The following NALCN variants were observed in gnomAD, a reference collection of about 807,000 sequenced individuals.
The protein encoded by NALCN is sodium leak channel, non-selective.
A neutral mutation model predicts 225.3 loss-of-function variants in NALCN; 111 were observed. The ratio of observed to expected loss-of-function variants is 0.49; its 90% CI spans 0.42 to 0.58. The LOEUF is 0.58. Among genes scored for constraint, NALCN ranks in the 20% least tolerant of loss-of-function variants. The pLI, the probability that NALCN is intolerant of heterozygous loss-of-function variation, is 0.00. For synonymous variants in NALCN, 764 were observed against 769.0 expected (o/e 0.99, Z 0.11); for missense variants, 1,378 against 2,202.4 (o/e 0.63, Z 7.49).
At chr13:101,302,971 T>C (rs1238665049) in intron 7 of NALCN, among the ~76,000 whole-genome samples, 2 of 152,192 alleles carry the variant, frequency 1.3e-5, no homozygotes, top group Non-Finnish European at 2.9e-5. Flanking sequence ...TATTAAGTTA[T>C]GCTGCCAAGA....
chr13:101,255,678 G>A (rs143758644), intron 11 of NALCN, among the ~76,000 whole-genome samples: 2,466 of 152,162 alleles, frequency 0.016, 34 homozygotes, highest in African/African-American at 0.033. Context: ...CCTCCTCAGA[G>A]CCTTGAACTA....
chr13:101,337,882 G>A (rs1314634256), intron 7 of NALCN, among the ~76,000 whole-genome samples: 3 of 152,136 alleles, frequency 2.0e-5, no homozygotes, highest in African/African-American at 7.2e-5. Flanking sequence ...TTCCAAATGC[G>A]GCTGGTAAGA....
chr13:101,324,740 C>T (rs367988564), intron 7 of NALCN, among the ~76,000 whole-genome samples: 9 of 152,270 alleles, frequency 5.9e-5, no homozygotes, highest in East Asian at 1.9e-4. Flanking sequence ...ATTTGACTTC[C>T]TCTCTTCCTA....
intron 39 of NALCN, among the ~76,000 whole-genome samples, chr13:101,067,160 G>C (rs1260587009): frequency 6.6e-6 from 1 of 150,734 alleles, no homozygotes; most frequent in African/African-American, 2.4e-5. Flanking sequence ...GAAGAGGAGA[G>C]GGAGGAAGAA....
chr13:101,094,678 T>TA (rs1454809777), intron 28 of NALCN, among the ~76,000 whole-genome samples: 2 of 152,044 alleles, frequency 1.3e-5, no homozygotes, highest in Admixed American at 1.3e-4. Flanking sequence ...TTGGATATTT[T>TA]AAAAAATAAA....
chr13:101,081,270 A>C (rs2033632708), intron 34 of NALCN, among the ~76,000 whole-genome samples: 1 of 152,122 alleles, frequency 6.6e-6, no homozygotes, highest in South Asian at 2.1e-4. Flanking sequence ...GAAGATCTTG[A>C]AGGTCCTTCT....
rs915309261 is a variant in NALCN, at chr13:101,089,205, C to CT, written c.3489+457dup. Among the ~76,000 whole-genome samples the CT allele has an allele frequency of 6.6e-6, 1 of 152,116 alleles. No individual in the cohort carries two copies. The highest frequency in any genetic ancestry group is 1.5e-5 in the Non-Finnish European group (1 of 68,006). On this transcript the variant is annotated intron_variant, in intron 30 of 43. Coordinates refer to ENST00000251127, the MANE Select transcript of NALCN (RefSeq NM_052867.4). The surrounding 1 kb of genome is among the most constrained non-coding windows in gnomAD (Gnocchi z 4.7). Reference sequence around the variant, plus strand: ...GAGCCACCATGCCCTGCCACAAAATCTTTTTTTCTGTGAATTAGGATTTTG... The same window carrying CT: ...GAGCCACCATGCCCTGCCACAAAATCTTTTTTTTCTGTGAATTAGGATTTTG...
chr13:101,125,418 T>G (rs2036184868), intron 17 of NALCN, among the ~76,000 whole-genome samples: 1 of 152,076 alleles, frequency 6.6e-6, no homozygotes, highest in African/African-American at 2.4e-5. Context: ...AACAGGAAAG[T>G]GTAACTCCAG....
At chr13:101,304,085 G>A (rs1356766643) in intron 7 of NALCN, among the ~76,000 whole-genome samples, 2 of 152,162 alleles carry the variant, frequency 1.3e-5, no homozygotes, top group African/African-American at 2.4e-5. Context: ...GAGTGTAGGT[G>A]TTCGTCTTAC....
chr13:101,271,969 T>C (rs971536466), intron 10 of NALCN, among the ~76,000 whole-genome samples: 3 of 150,698 alleles, frequency 2.0e-5, no homozygotes, highest in Non-Finnish European at 2.9e-5. Flanking sequence ...TGCGTGTAGA[T>C]ATGTGTGTGT....
intron 16 of NALCN, among the ~76,000 whole-genome samples, chr13:101,144,413 C>T (rs2037242403): frequency 6.6e-6 from 1 of 152,176 alleles, no homozygotes; most frequent in Non-Finnish European, 1.5e-5. Flanking sequence ...CGGTTGGGGT[C>T]TGAGATTGAT....
At chr13:101,150,979 G>T (rs941897535) in intron 15 of NALCN, among the ~76,000 whole-genome samples, 2 of 152,112 alleles carry the variant, frequency 1.3e-5, no homozygotes, top group African/African-American at 4.8e-5. Flanking sequence ...TGAGCATGAA[G>T]TCTGGCTGCA....
At chr13:101,095,800 G>A in intron 27 of NALCN, 120 bp from the exon 28 acceptor site, 1 of 781,368 alleles carries the variant, frequency 1.3e-6, no homozygotes, top group Non-Finnish European at 2.1e-6. Flanking sequence ...TCTAACAACA[G>A]TGATGTGGAC....
rs200364919 is a variant in NALCN at position 101,209,807 on chromosome 13, C to G, written c.1627-17753G>C. Among the ~76,000 whole-genome samples the G allele has an allele frequency of 1.3e-3, 192 of 152,248 alleles. 3 individuals carry two copies. The East Asian group carries it at 0.026, about 21-fold the overall frequency. The stretch of plus-strand genomic sequence containing the variant: ...TGACTTGGTTTATCCCAAGAGACAG[C>G]AAATGTGACATTTGTCTAGAATGTT... On this transcript the variant is annotated intron_variant, in intron 13 of 43. Coordinates refer to ENST00000251127, the MANE Select transcript of NALCN (RefSeq NM_052867.4).
At chr13:101,347,369 C>T (rs193026063) in intron 6 of NALCN, among the ~76,000 whole-genome samples, 5 of 152,064 alleles carry the variant, frequency 3.3e-5, no homozygotes, top group African/African-American at 1.2e-4. Context: ...TCCTTTGGAC[C>T]CCATCTGTAA....
At position 101,387,252 on chromosome 13, in the gene NALCN, A is replaced by AAAAAAT. The variant is rs58578868; in HGVS notation, c.291+7930_291+7931insATTTTT. 4.2e-3 allele frequency among the ~76,000 whole-genome samples: 492 copies of AAAAAAT among 116,810 alleles called. 72 individuals carry two copies. Among genetic ancestry groups the AAAAAAT allele is most frequent in the African/African-American group, 0.016 (463 of 28,206 alleles). 76.6% of individuals were successfully genotyped at this position (116,810 alleles called of 152,430 possible). A position where few individuals can be genotyped will look rare whatever the true frequency, so the allele number is the denominator to read the frequency against. ...CAAAAAAAAAAAAAAAAAAAAAAAA[A>AAAAAAT]AACAGGTTAGCATTTCGCAAATCAC... On this transcript the variant is annotated intron_variant, in intron 3 of 43. Coordinates refer to ENST00000251127, the MANE Select transcript of NALCN (RefSeq NM_052867.4).
intron 4 of NALCN, 115 bp from the exon 5 acceptor site, chr13:101,377,171 CA>C: frequency 1.5e-6 from 2 of 1,308,912 alleles, no homozygotes; most frequent in Non-Finnish European, 2.1e-6. Context: ...TGAATTTAGC[CA>C]TACATTATTT....
intron 13 of NALCN, among the ~76,000 whole-genome samples, chr13:101,228,948 T>G (rs1032238495): frequency 3.3e-5 from 5 of 152,190 alleles, no homozygotes; most frequent in Non-Finnish European, 7.3e-5. Context: ...TGAGAGACAT[T>G]TAAAATCTGA....
intron 17 of NALCN, 102 bp downstream of exon 17, chr13:101,142,978 C>T: frequency 7.3e-7 from 1 of 1,375,468 alleles, no homozygotes; most frequent in East Asian, 2.3e-5. Context: ...TTTCATTATT[C>T]TCTTGAGAAA....
Sources: gnomAD v4.1 joint callset for allele counts (sites outside exome capture counted in the v4.1 genomes callset) on GRCh38, gnomAD v4.1.1 for gene constraint, Gnocchi (gnomAD v3.1) non-coding constraint, MANE v1.5 for transcripts, NCBI Gene and HGNC (gene_info 2026-07-23, HGNC 2026-07-21) for gene names.